Variants in LLGL2 observed in about 807,000 individuals in gnomAD.
LLGL2 encodes LLGL2, scribble cell polarity complex component.
Under a neutral mutation model 123.2 loss-of-function variants are expected in LLGL2, and 81 were observed. The observed-to-expected ratio is 0.66, with a 90% CI of 0.55 to 0.79. The LOEUF (loss-of-function observed/expected upper bound fraction) is 0.79. Among genes scored for constraint, LLGL2 ranks in the 30% least tolerant of loss-of-function variants. LLGL2 has a pLI of 0.00. For missense variants in LLGL2, 1,273 were observed against 1,414.6 expected, an observed-to-expected ratio of 0.90 and a Z score of 1.61; for synonymous variants, 577 against 594.1, an observed-to-expected ratio of 0.97 and a Z score of 0.42.
intron 3 of LLGL2, chr17:75,557,847 T>C (rs1671035): frequency 0.39 from 164,427 of 424,748 alleles, 33,671 homozygotes; most frequent in African/African-American, 0.45. Flanking sequence ...CAACATGTCT[T>C]TTGCAGCTCA....
At chr17:75,529,575 A>T (rs1244348582) in intron 1 of LLGL2, among the ~76,000 whole-genome samples, 3 of 151,930 alleles carry the variant, frequency 2.0e-5, no homozygotes, top group Non-Finnish European at 4.4e-5. Context: ...AAATAAAAAA[A>T]AATTAGGCCG....
At position 75,533,417 on chromosome 17, in the gene LLGL2, GC is replaced by G. The variant is rs2053885154; in HGVS notation, c.-31+7594del. On this transcript the variant is annotated intron_variant, in intron 1 of 25. Coordinates refer to ENST00000392550, the MANE Select transcript of LLGL2 (RefSeq NM_001031803.2). ...CCTCCCAGGTTCACACCATTCTCCT[GC>G]CTCAGCCTCCTGAGTAGCTGGGACT... Among the ~76,000 whole-genome samples the G allele has an allele frequency of 5.5e-5, 8 of 144,826 alleles. No homozygotes were observed. In the South Asian group the frequency reaches 1.7e-3, roughly 32 times the overall value.
chr17:75,570,074 G>A lies in LLGL2; in HGVS notation c.1693G>A (p.Ala565Thr). The change falls in exon 15 of 26, where the codon GCA (alanine) becomes ACA (threonine). Residue 565 changes from alanine to threonine, a missense_variant. Transcript: ENST00000392550. The part of the protein sequence containing the change: ...GYRWKGHERL[A>T]ARSGPVRFEP... ...CCGCTGGAAGGGGCACGAGCGCCTGGCAGCCCGCTCAGGGCCCGTGCGCTT... is the reference window on the plus strand; with the variant it reads ...CCGCTGGAAGGGGCACGAGCGCCTGACAGCCCGCTCAGGGCCCGTGCGCTT... 2 of 1,612,170 alleles carry A rather than the reference G, an allele frequency of 1.2e-6. No individual in the cohort carries two copies. Among genetic ancestry groups the A allele is most frequent in the Non-Finnish European group, 8.5e-7 (1 of 1,179,604 alleles).
At chr17:75,560,641 C>A (rs538923361) in intron 6 of LLGL2, among the ~76,000 whole-genome samples, 15 of 150,248 alleles carry the variant, frequency 1.0e-4, no homozygotes, top group Middle Eastern at 3.6e-3. Flanking sequence ...CATGCGCTAC[C>A]ACACCCAGCT....
chr17:75,573,709 C>A, intron 21 of LLGL2, 78 bp downstream of exon 21: 1 of 1,426,884 alleles, frequency 7.0e-7, no homozygotes, highest in Non-Finnish European at 9.4e-7. Context: ...GCTCCCACTG[C>A]TGCCTGGCTG....
rs1276252644 is a variant in LLGL2, at chr17:75,558,499, G to A, written c.256-13G>A. Reference sequence around the variant, plus strand: ...TAGCAAGACCACATGATCCCGTCGTGTGCCCTCGCCAGTGCCAGCTGGTCA... The same window carrying A: ...TAGCAAGACCACATGATCCCGTCGTATGCCCTCGCCAGTGCCAGCTGGTCA... On this transcript the variant is annotated splice_polypyrimidine_tract_variant and intron_variant, in intron 4 of 25. Transcript: ENST00000392550. This position sits in a 1 kb window ranked among gnomAD's most constrained non-coding sequence, Gnocchi z 4.0. 1 of 1,570,370 alleles carries A rather than the reference G, an allele frequency of 6.4e-7. No individual in the cohort carries two copies. Among genetic ancestry groups the A allele is most frequent in the Non-Finnish European group, 8.6e-7 (1 of 1,157,718 alleles).
At position 75,549,965 on chromosome 17, in the gene LLGL2, A is replaced by G. The variant is rs115174824; in HGVS notation, c.76-6081A>G. Among the ~76,000 whole-genome samples the G allele has an allele frequency of 6.4e-3, 971 of 151,838 alleles. 6 individuals carry two copies. The highest frequency in any genetic ancestry group is 0.022 in the African/African-American group (893 of 41,358). On this transcript the variant is annotated intron_variant, in intron 2 of 25. Transcript: ENST00000392550. This position sits in a 1 kb window ranked among gnomAD's most constrained non-coding sequence, Gnocchi z 4.0. ...TGCAAATCTTTGCTCTCCTTTCCCA[A>G]CCCCCCTGTCAAAAGAGTTCATTGT...
intron 17 of LLGL2, 57 bp from the exon 18 acceptor site, chr17:75,571,610 C>A: frequency 7.4e-7 from 1 of 1,347,680 alleles, no homozygotes; most frequent in Non-Finnish European, 1.0e-6. Context: ...CCTGGTTGCC[C>A]AGCTCCACCC....
chr17:75,563,469 T>C lies in LLGL2; in HGVS notation c.826+6T>C. 1.9e-6 allele frequency: 3 copies of C among 1,611,916 alleles called. No individual in the cohort carries two copies. The highest frequency in any genetic ancestry group is 2.5e-6 in the Non-Finnish European group (3 of 1,179,760). The stretch of plus-strand genomic sequence containing the variant: ...CCGCAGCCTCGTGCCTTACGGTCAG[T>C]GTTTCACCCGCCGGGCAGGGCCCAC... On this transcript the variant is annotated splice_donor_region_variant and intron_variant, in intron 8 of 25. Transcript: ENST00000392550.
At position 75,573,593 on chromosome 17, in the gene LLGL2, T is replaced by TA; in HGVS notation, c.2840dup (p.Asn947LysfsTer20). ...CAGAAACCAAGAACCACCGCCCTGG[T>TA]AACGGTGCGGGCCCCAAGAAGGCCC... On this transcript the variant is annotated frameshift_variant, in exon 21 of 26. Coordinates refer to ENST00000392550, the MANE Select transcript of LLGL2 (RefSeq NM_001031803.2). LOFTEE classifies it high-confidence loss of function. 6.2e-7 allele frequency: 1 copy of TA among 1,611,868 alleles called. No homozygotes were observed. Among genetic ancestry groups the TA allele is most frequent in the East Asian group, 2.2e-5 (1 of 44,856 alleles).
At position 75,574,876 on chromosome 17, in the gene LLGL2, T is replaced by C; in HGVS notation, c.3061T>C (p.Ter1021ArgextTer15). Reference sequence around the variant, plus strand: ...TGTCCCTCTGTGTCCTTCAGCAGAGTGAGTGGCTGAGCGTCCAGGCTGCGC... The same window carrying C: ...TGTCCCTCTGTGTCCTTCAGCAGAGCGAGTGGCTGAGCGTCCAGGCTGCGC... ...GCSLSNGGAE[*>R] is the part of the protein sequence containing the mutation. The change falls in exon 26 of 26, where the codon TGA becomes CGA. Residue 1021 changes from the stop codon to arginine, a stop_lost. Transcript: ENST00000392550. 1 of 1,613,872 alleles carries C rather than the reference T, an allele frequency of 6.2e-7. No homozygotes were observed. The highest frequency in any genetic ancestry group is 8.5e-7 in the Non-Finnish European group (1 of 1,179,902).
Position 75,558,319 on chromosome 17 carries a change from C to T in LLGL2, c.255+83C>T. ...TTCCAGCAGGGCTGGTGTGGAGAGG[C>T]TGGCATTCGGTGGCCCTGGGTTTGC... On this transcript the variant is annotated intron_variant, in intron 4 of 25. Coordinates refer to ENST00000392550, the MANE Select transcript of LLGL2 (RefSeq NM_001031803.2). The surrounding 1 kb of genome is among the most constrained non-coding windows in gnomAD (Gnocchi z 4.0). The T allele has an allele frequency of 7.1e-7, 1 of 1,408,380 alleles. No homozygotes were observed. The highest frequency in any genetic ancestry group is 9.8e-7 in the Non-Finnish European group (1 of 1,016,830). The allele number at this position is 1,408,380 out of a possible 1,614,324, so 87.2% of individuals were successfully genotyped here. A position where few individuals can be genotyped will look rare whatever the true frequency, so the allele number is the denominator to read the frequency against.
Position 75,570,463 on chromosome 17 carries a change from A to G in LLGL2, c.1990A>G (p.Ser664Gly). 6.3e-7 allele frequency: 1 copy of G among 1,590,768 alleles called. No homozygotes were observed. The highest frequency in any genetic ancestry group is 8.5e-7 in the Non-Finnish European group (1 of 1,169,968). ...CCGGATGCGTCGGAGCCGGGTGTCC[A>G]GCCGGAAGCGGCACCCGGCTGGCCC... Reference protein sequence around the residue: ...FRRMRRSRVSSRKRHPAGPPG... With the variant: ...FRRMRRSRVSGRKRHPAGPPG... Residue 664 changes from serine to glycine, a missense_variant, in exon 16 of 26, where the codon AGC (serine) becomes GGC (glycine). Transcript: ENST00000392550.
Position 75,570,503 on chromosome 17 carries a change from GGCCT to G in LLGL2, c.2025+7_2025+10del. Reference sequence around the variant, plus strand: ...CCGGCTGGCCCCCCAGGAGAGGTGAGGCCTGAGGTGAGGCTGCGGCCGGCCACGC... The same window carrying G: ...CCGGCTGGCCCCCCAGGAGAGGTGAGGAGGTGAGGCTGCGGCCGGCCACGC... On this transcript the variant is annotated splice_donor_region_variant and intron_variant, in intron 16 of 25. Transcript: ENST00000392550. The G allele has an allele frequency of 1.3e-6, 2 of 1,566,834 alleles. No individual in the cohort carries two copies. The highest frequency in any genetic ancestry group is 1.7e-6 in the Non-Finnish European group (2 of 1,157,156).
chr17:75,569,120 C>G lies in LLGL2; in HGVS notation c.1465C>G (p.Pro489Ala). The change falls in exon 13 of 26, where the codon CCA becomes GCA. Residue 489 changes from proline (P) to alanine (A), a missense_variant. Pro to Ala is a conservative substitution (Grantham distance 27). Coordinates refer to ENST00000392550, the MANE Select transcript of LLGL2 (RefSeq NM_001031803.2). ...FSAQGEDEWP[P>A]LRKVGSFDPY... ...TGCCCAGGGCGAGGACGAGTGGCCC[C>G]CACTCCGCAAGGTGAGGCCAGGAGC... 6.2e-7 allele frequency: 1 copy of G among 1,613,420 alleles called. No homozygotes were observed. The highest frequency in any genetic ancestry group is 8.5e-7 in the Non-Finnish European group (1 of 1,179,900).
intron 3 of LLGL2, among the ~76,000 whole-genome samples, chr17:75,557,328 G>A (rs1002396407): frequency 7.2e-5 from 11 of 152,162 alleles, no homozygotes; most frequent in Non-Finnish European, 1.3e-4. Context: ...TCCCACAGGC[G>A]GCAGAGAGTG....
In LLGL2 at chr17:75,575,051, T is replaced by C. The variant is rs979836888; in HGVS notation, c.*173T>C. ...CGGGAGAGGAGAGACCCCAGTCCCC[T>C]GGGCTGCCCTTCCCGGGCCTCGTCT... On this transcript the variant is annotated 3_prime_UTR_variant, in exon 26 of 26. Transcript: ENST00000392550. The C allele has an allele frequency of 3.5e-5, 30 of 852,874 alleles. No homozygotes were observed. The highest frequency in any genetic ancestry group is 2.6e-4 in the Middle Eastern group (1 of 3,894). 52.8% of individuals were successfully genotyped at this position (852,874 alleles called of 1,614,324 possible). A position where few individuals can be genotyped will look rare whatever the true frequency, so the allele number is the denominator to read the frequency against.
chr17:75,552,453 C>T (rs1371809192), intron 2 of LLGL2, among the ~76,000 whole-genome samples: 1 of 152,216 alleles, frequency 6.6e-6, no homozygotes, highest in Non-Finnish European at 1.5e-5. Context: ...CGTGCCACTG[C>T]ACTCCAGGCG....
rs1343486442 is a variant in LLGL2, at chr17:75,569,040, A to G, written c.1385A>G (p.Lys462Arg). The G allele has an allele frequency of 1.9e-6, 3 of 1,612,894 alleles. No individual in the cohort carries two copies. The highest frequency in any genetic ancestry group is 2.5e-6 in the Non-Finnish European group (3 of 1,179,698). The change falls in exon 13 of 26, where the codon AAA (lysine) becomes AGA (arginine). Residue 462 changes from lysine to arginine, a missense_variant. Lys to Arg is a conservative substitution (Grantham distance 26, BLOSUM62 2). Coordinates refer to ENST00000392550, the MANE Select transcript of LLGL2 (RefSeq NM_001031803.2). Reference protein sequence around the residue: ...ASGVCLRLLYKLSTVRVFLTD... With the variant: ...ASGVCLRLLYRLSTVRVFLTD... ...GGTGTCTGCCTGCGGCTGCTCTACA[A>G]ACTCAGCACTGTGCGCGTGTTCCTC...
Sources: allele counts gnomAD v4.1 joint callset (sites outside exome capture counted in the v4.1 genomes callset), GRCh38; gene constraint gnomAD v4.1.1; non-coding constraint Gnocchi (gnomAD v3.1); transcripts MANE v1.5; gene names NCBI Gene and HGNC (gene_info 2026-07-23, HGNC 2026-07-21).